The following CHD4 variants were observed in gnomAD, a reference collection of about 807,000 sequenced individuals.
CHD4 encodes ATP-dependent chromatin remodeler CHD4.
CHD4 carries 35 observed loss-of-function variants against 235.5 expected under a neutral mutation model. The observed-to-expected ratio is 0.15, with a 90% CI of 0.11 to 0.20. CHD4 has a LOEUF of 0.20. Among genes scored for constraint, CHD4 ranks in the 10% least tolerant of loss-of-function variants. The probability of loss-of-function intolerance (pLI) is 1.00; values close to 1 mark genes in which losing one functional copy is unlikely to be tolerated. For synonymous variants in CHD4, 900 were observed against 850.2 expected (o/e 1.06, Z -1.02); for missense variants, 1,329 against 2,432.3 (o/e 0.55, Z 9.54).
intron 2 of CHD4, among the ~76,000 whole-genome samples, chr12:6,603,827 T>C (rs1565620518): frequency 6.6e-6 from 1 of 152,040 alleles, no homozygotes; most frequent in Admixed American, 6.6e-5. Flanking sequence ...TACAACCTTC[T>C]CCCCAAATTT....
chr12:6,598,185 T>C (rs1427834064), intron 11 of CHD4, 37 bp downstream of exon 11: 2 of 1,609,242 alleles, frequency 1.2e-6, no homozygotes, highest in Non-Finnish European at 1.7e-6. Context: ...ATCCTCTTCA[T>C]CGTAGCCCCT....
At position 6,597,919 on chromosome 12, in the gene CHD4, T is replaced by C; in HGVS notation, c.1867A>G (p.Met623Val). The stretch of plus-strand genomic sequence containing the variant: ...CTGTGGTTGAGGATTCGGTGGATCA[T>C]CATCCACTCGGGTTTTATCCCATAG... ...YRYGIKPEWM[M>V]IHRILNHSVD... Residue 623 changes from methionine (M) to valine (V), a missense_variant, in exon 12 of 40, where the codon ATG (methionine) becomes GTG (valine). Around this residue, in one of 26 missense-constraint regions of CHD4, gnomAD observed 121 missense variants for 177.8 expected, o/e 0.68. Transcript: ENST00000544040. 1 of 1,614,210 alleles carries C rather than the reference T, an allele frequency of 6.2e-7. No homozygotes were observed. Among genetic ancestry groups the C allele is most frequent in the South Asian group, 1.1e-5 (1 of 91,082 alleles).
At chr12:6,594,952 T>C (rs757529523) in intron 14 of CHD4, among the ~76,000 whole-genome samples, 1 of 152,180 alleles carries the variant, frequency 6.6e-6, no homozygotes, top group African/African-American at 2.4e-5. Context: ...AATCGTTATG[T>C]CCCTCTTAGA....
In CHD4 at chr12:6,599,860, A is replaced by G. The variant is rs1948560047; in HGVS notation, c.1395T>C (p.Asp465=). 1 of 1,614,126 alleles carries G rather than the reference A, an allele frequency of 6.2e-7. No individual in the cohort carries two copies. Among genetic ancestry groups the G allele is most frequent in the African/African-American group, 1.3e-5 (1 of 74,934 alleles). Residue 465 remains aspartate (D), a synonymous_variant, in exon 10 of 40, where the codon GAT becomes GAC. Transcript: ENST00000544040. Reference sequence around the variant, plus strand: ...GGATGTGGTAGGAAGAAGGACAGGTATCACAGCAGAGCAGTTCCCCACCAT... The same window carrying G: ...GGATGTGGTAGGAAGAAGGACAGGTGTCACAGCAGAGCAGTTCCCCACCAT... ...CKDGGELLCC[D]TCPSSYHIHC...
In CHD4 at chr12:6,574,894, C is replaced by CAGAT. The variant is rs1181734611; in HGVS notation, c.5362-1626_5362-1625insATCT. On this transcript the variant is annotated intron_variant, in intron 37 of 39. Transcript: ENST00000544040. ...CCTGTGGGCCAGATCTGCCCCACCA[C>CAGAT]CTGTTTTTATATGGCTCAAGAGCTA... 2.6e-5 allele frequency among the ~76,000 whole-genome samples: 4 copies of CAGAT among 152,264 alleles called. No homozygotes were observed. The East Asian group carries it at 7.7e-4, about 29-fold the overall frequency.
intron 37 of CHD4, chr12:6,573,503 A>G: frequency 3.1e-6 from 1 of 317,584 alleles, no homozygotes. Flanking sequence ...TCTCTTATAC[A>G]AAAGCGATAA....
At chr12:6,601,090 C>G in intron 6 of CHD4, 37 bp from the exon 7 acceptor site, 1 of 1,530,222 alleles carries the variant, frequency 6.5e-7, no homozygotes, top group East Asian at 2.3e-5. Flanking sequence ...TACCACAAGA[C>G]CAAAGATGGG....
At position 6,601,380 on chromosome 12, in the gene CHD4, C is replaced by G. The variant is rs769054925; in HGVS notation, c.708G>C (p.Val236=). The part of the protein sequence containing the change: ...VAAAAAAAVA[V]VESMVTATEV... The stretch of plus-strand genomic sequence containing the variant: ...CAGTGGCTGTCACCATGCTCTCCAC[C>G]ACAGCTACCGCTGCTGCTGCCGCAG... The change falls in exon 6 of 40, where the codon GTG becomes GTC. Residue 236 remains valine (V), a synonymous_variant. Transcript: ENST00000544040. The G allele has an allele frequency of 6.2e-7, 1 of 1,614,158 alleles. No homozygotes were observed. The highest frequency in any genetic ancestry group is 8.5e-7 in the Non-Finnish European group (1 of 1,180,030).
chr12:6,592,160 G>T, intron 19 of CHD4, 103 bp from the exon 20 acceptor site: 1 of 1,443,816 alleles, frequency 6.9e-7, no homozygotes, highest in Non-Finnish European at 9.6e-7. Flanking sequence ...ATCCCACTTT[G>T]GAACTAAGGA....
chr12:6,607,177 C>T (rs1357541569), intron 1 of CHD4, 123 bp downstream of exon 1: 1 of 152,294 alleles, frequency 6.6e-6, no homozygotes, highest in Admixed American at 6.5e-5. Context: ...AGGGTCGGCT[C>T]CTCTGGGCAA....
intron 10 of CHD4, 119 bp from the exon 11 acceptor site, chr12:6,598,544 C>G (rs571673530): frequency 1.2e-6 from 1 of 860,592 alleles, no homozygotes; most frequent in Non-Finnish European, 1.8e-6. Flanking sequence ...GGAGCAGTGG[C>G]TCATGCCTGA....
intron 2 of CHD4, among the ~76,000 whole-genome samples, chr12:6,604,206 C>T (rs1465169708): frequency 2.6e-5 from 4 of 152,108 alleles, no homozygotes. Flanking sequence ...GCCCGGGAGG[C>T]GGAGGTTGCA....
At chr12:6,574,492 A>T (rs1948034182) in intron 37 of CHD4, among the ~76,000 whole-genome samples, 1 of 152,248 alleles carries the variant, frequency 6.6e-6, no homozygotes, top group African/African-American at 2.4e-5. Flanking sequence ...AATTTATGAA[A>T]AGATTTTAAT....
chr12:6,600,343 A>G lies in CHD4; in HGVS notation c.1116T>C (p.Tyr372=). Residue 372 remains tyrosine, a synonymous_variant, in exon 9 of 40, where the codon TAT becomes TAC. Transcript: ENST00000544040. The stretch of plus-strand genomic sequence containing the variant: ...CACCGCCTTGCTGGCACACCTCGCA[A>G]TAGTCCTGGTGGTCTGTCTCATAAC... ...VDGYETDHQD[Y]CEVCQQGGEI... is the part of the protein sequence containing the mutation. 1 of 1,614,128 alleles carries G rather than the reference A, an allele frequency of 6.2e-7. No homozygotes were observed. Among genetic ancestry groups the G allele is most frequent in the Non-Finnish European group, 8.5e-7 (1 of 1,180,014 alleles).
At chr12:6,591,656 C>T (rs368025848) in intron 21 of CHD4, 38 bp downstream of exon 21, 1 of 1,614,098 alleles carries the variant, frequency 6.2e-7, no homozygotes, top group East Asian at 2.2e-5. Flanking sequence ...TAAGGGTTGT[C>T]TATGACTGTT....
At chr12:6,587,284 GC>G in intron 25 of CHD4, 99 bp downstream of exon 25, 1 of 1,152,008 alleles carries the variant, frequency 8.7e-7, no homozygotes, top group Non-Finnish European at 1.3e-6. Flanking sequence ...ATAAGAATTT[GC>G]CTACAGATAT....
At chr12:6,578,599 C>T (rs760111468) in intron 34 of CHD4, 53 bp from the exon 35 acceptor site, 69 of 1,604,638 alleles carry the variant, frequency 4.3e-5, no homozygotes, top group Middle Eastern at 3.3e-4. Context: ...CCAGCACCAT[C>T]GCCCTTACCC....
At chr12:6,577,081 C>T (rs958180284) in intron 37 of CHD4, among the ~76,000 whole-genome samples, 7 of 152,136 alleles carry the variant, frequency 4.6e-5, no homozygotes, top group African/African-American at 1.7e-4. Flanking sequence ...GGATTACAGG[C>T]GTGAGCCACC....
At chr12:6,580,960 TCG>T (rs1252815233) in intron 33 of CHD4, 82 bp downstream of exon 33, 46 of 1,505,704 alleles carry the variant, frequency 3.1e-5, no homozygotes, top group Admixed American at 3.8e-5. Context: ...TAAGCCAAGA[TCG>T]CGCCACAGCA....
Sources: gnomAD v4.1 joint callset for allele counts (sites outside exome capture counted in the v4.1 genomes callset) on GRCh38, gnomAD v4.1.1 for gene constraint, gnomAD v4.1.1 regional missense constraint, MANE v1.5 for transcripts, NCBI Gene and HGNC (gene_info 2026-07-23, HGNC 2026-07-21) for gene names.